The following ERP29 variants were observed in gnomAD, a reference collection of about 807,000 sequenced individuals.
ERP29 encodes the protein endoplasmic reticulum resident protein 29.
Under a neutral mutation model 21.7 loss-of-function variants are expected in ERP29, and 14 were observed. That is an observed-to-expected ratio of 0.64 (90% CI 0.43 to 1.01). ERP29 has a LOEUF of 1.01. ERP29 is among the 50% of genes least tolerant of loss of function. The pLI, the probability that ERP29 is intolerant of heterozygous loss-of-function variation, is 0.00. For missense variants in ERP29, 286 were observed against 327.3 expected (o/e 0.87, Z 0.97); for synonymous variants, 129 against 139.1 (o/e 0.93, Z 0.51).
intron 1 of ERP29, 57 bp downstream of exon 1, chr12:112,013,666 G>T (rs2136772215): frequency 6.7e-7 from 1 of 1,481,668 alleles, no homozygotes; most frequent in Non-Finnish European, 9.0e-7. Flanking sequence ...GGAAGAGCGC[G>T]CGCCCGTGGG....
At chr12:112,022,096 T>A (rs953360242) in intron 2 of ERP29, 54 bp from the exon 3 acceptor site, 14 of 1,592,996 alleles carry the variant, frequency 8.8e-6, no homozygotes, top group Non-Finnish European at 1.2e-5. Context: ...CATAGCAATT[T>A]TCTGCCCTGA....
In ERP29 at chr12:112,019,908, C is replaced by T. The variant is rs569487267; in HGVS notation, c.283+14C>T. ...TGGGGATCTCAGGTATGGACAAGTC[C>T]AGGACGGCTGGGGGGGCAGAGAGGG... is the stretch of plus-strand genomic sequence containing the variant. On this transcript the variant is annotated intron_variant, in intron 2 of 2. Transcript: ENST00000261735. 1.2e-6 allele frequency: 2 copies of T among 1,613,624 alleles called. No homozygotes were observed. Among genetic ancestry groups the T allele is most frequent in the South Asian group, 2.2e-5 (2 of 91,056 alleles).
chr12:112,013,680 A>G, intron 1 of ERP29, 71 bp downstream of exon 1: 5 of 1,442,096 alleles, frequency 3.5e-6, no homozygotes, highest in South Asian at 2.8e-5. Context: ...CCGTGGGGAG[A>G]CGCTGGATTC....
chr12:112,023,343 A>AATG lies in ERP29; in HGVS notation c.*694_*696dup, dbSNP rs2078063153. 1 of 152,226 alleles carries AATG rather than the reference A, an allele frequency of 6.6e-6. No individual in the cohort carries two copies. Among genetic ancestry groups the AATG allele is most frequent in the African/African-American group, 2.4e-5 (1 of 41,458 alleles). The allele number at this position is 152,226 out of a possible 1,614,324, so 9.4% of individuals were successfully genotyped here. A position where few individuals can be genotyped will look rare whatever the true frequency, so the allele number is the denominator to read the frequency against. ...TCTGTGACTTGGATTTACACAGCTA[A>AATG]ATGATATAGTCCGATTTCAAAATTA... On this transcript the variant is annotated 3_prime_UTR_variant, in exon 3 of 3. Coordinates refer to ENST00000261735, the MANE Select transcript of ERP29 (RefSeq NM_006817.4).
At chr12:112,019,989 C>G in intron 2 of ERP29, 95 bp downstream of exon 2, 1 of 1,446,672 alleles carries the variant, frequency 6.9e-7, no homozygotes, top group South Asian at 1.2e-5. Context: ...ATCTTTCCTT[C>G]TGAGCCACTC....
In ERP29 at chr12:112,022,283, A is replaced by C; in HGVS notation, c.417A>C (p.Gly139=). ...CATACACTGGGGCAGTTAAGGTTGGAGCCATCCAGCGCTGGCTGAAGGGGC... is the reference window on the plus strand; with the variant it reads ...CATACACTGGGGCAGTTAAGGTTGGCGCCATCCAGCGCTGGCTGAAGGGGC... The part of the protein sequence containing the change: ...PVPYTGAVKV[G]AIQRWLKGQG... Residue 139 remains glycine, a synonymous_variant, in exon 3 of 3, where the codon GGA becomes GGC. Transcript: ENST00000261735. 1 of 1,612,862 alleles carries C rather than the reference A, an allele frequency of 6.2e-7. No homozygotes were observed. Among genetic ancestry groups the C allele is most frequent in the Non-Finnish European group, 8.5e-7 (1 of 1,179,410 alleles).
rs2078055301 is a variant in ERP29 at position 112,022,474 on chromosome 12, T to G, written c.608T>G (p.Leu203Arg). ...CAGAAGAAGTGGGCCGAGCAATACC[T>G]GAAGATCATGGGGAAGATCTTAGAC... The part of the protein sequence containing the change: ...ETQKKWAEQY[L>R]KIMGKILDQG... The change falls in exon 3 of 3, where the codon CTG becomes CGG. Residue 203 changes from leucine to arginine, a missense_variant. Leu to Arg is a moderately radical substitution (Grantham distance 102). Transcript: ENST00000261735. The G allele has an allele frequency of 6.2e-7, 1 of 1,614,020 alleles. No individual in the cohort carries two copies. The highest frequency in any genetic ancestry group is 8.5e-7 in the Non-Finnish European group (1 of 1,179,942).
chr12:112,021,189 A>G (rs1479788884), intron 2 of ERP29, among the ~76,000 whole-genome samples: 2 of 152,184 alleles, frequency 1.3e-5, no homozygotes, highest in Non-Finnish European at 2.9e-5. Context: ...TCCCTACCAC[A>G]TGCTCCCCTT....
intron 1 of ERP29, 115 bp downstream of exon 1, chr12:112,013,724 T>C: frequency 1.8e-6 from 2 of 1,135,770 alleles, no homozygotes; most frequent in Non-Finnish European, 2.4e-6. Context: ...GTAGCAACGG[T>C]CCCAGAGCTT....
In ERP29 at chr12:112,013,498, C is replaced by T. The variant is rs572261303; in HGVS notation, c.33C>T (p.Leu11=). Residue 11 remains leucine (L), a synonymous_variant, in exon 1 of 3, where the codon CTC becomes CTT. Transcript: ENST00000261735. ...CCGCTGTGCCCCGCGCCGCATTTCT[C>T]TCCCCGCTGCTTCCCCTTCTCCTGG... MAAAVPRAAF[L]SPLLPLLLGF... 50 of 1,612,786 alleles carry T rather than the reference C, an allele frequency of 3.1e-5. 1 individual carries two copies. The South Asian group carries it at 4.9e-4, about 16-fold the overall frequency.
At chr12:112,016,476 A>G (rs2078013189) in intron 1 of ERP29, among the ~76,000 whole-genome samples, 1 of 152,208 alleles carries the variant, frequency 6.6e-6, no homozygotes, top group South Asian at 2.1e-4. Context: ...CTTTTTACTC[A>G]ATGAACGAAT....
At chr12:112,022,129 G>A in intron 2 of ERP29, 21 bp from the exon 3 acceptor site, 1 of 1,611,422 alleles carries the variant, frequency 6.2e-7, no homozygotes, top group Non-Finnish European at 8.5e-7. Context: ...CTTGCTTTTT[G>A]TGTCTGGTTT....
chr12:112,018,754 C>T (rs1045242280), intron 1 of ERP29: 7 of 152,210 alleles, frequency 4.6e-5, no homozygotes, highest in African/African-American at 1.7e-4. Context: ...AAGGTGGAAA[C>T]AACCCAAACA....
rs1468246994 is a variant in ERP29 at position 112,013,438 on chromosome 12, C to G, written c.-28C>G. The stretch of plus-strand genomic sequence containing the variant: ...CGGGGCGTTCTCCACTATCGCTTAC[C>G]TACCTCCCTCTGCAGGAACCCGGCG... On this transcript the variant is annotated 5_prime_UTR_variant, in exon 1 of 3. Transcript: ENST00000261735. 6.3e-7 allele frequency: 1 copy of G among 1,596,706 alleles called. No individual in the cohort carries two copies. The highest frequency in any genetic ancestry group is 1.1e-5 in the South Asian group (1 of 88,856).
Position 112,013,435 on chromosome 12 carries a change from T to TA in ERP29, c.-30dup. The stretch of plus-strand genomic sequence containing the variant: ...ACTCGGGGCGTTCTCCACTATCGCT[T>TA]ACCTACCTCCCTCTGCAGGAACCCG... On this transcript the variant is annotated 5_prime_UTR_variant, in exon 1 of 3. Coordinates refer to ENST00000261735, the MANE Select transcript of ERP29 (RefSeq NM_006817.4). 1 of 1,593,092 alleles carries TA rather than the reference T, an allele frequency of 6.3e-7. No individual in the cohort carries two copies. Among genetic ancestry groups the TA allele is most frequent in the Non-Finnish European group, 8.5e-7 (1 of 1,170,162 alleles).
At chr12:112,013,918 G>A (rs996099670) in intron 1 of ERP29, among the ~76,000 whole-genome samples, 11 of 152,244 alleles carry the variant, frequency 7.2e-5, no homozygotes, top group South Asian at 2.1e-4. Flanking sequence ...GGCGGTGCCT[G>A]GCGAGATCCA....
rs145336748 is a variant in ERP29, at chr12:112,019,860, C to T, written c.249C>T (p.Ser83=). 1.1e-5 allele frequency: 17 copies of T among 1,613,938 alleles called. No homozygotes were observed. The highest frequency in any genetic ancestry group is 1.7e-5 in the Admixed American group (1 of 59,974). Residue 83 remains serine (S), a synonymous_variant, in exon 2 of 3, where the codon AGC becomes AGT. Coordinates refer to ENST00000261735, the MANE Select transcript of ERP29 (RefSeq NM_006817.4). The part of the protein sequence containing the change: ...FKRLAENSAS[S]DDLLVAEVGI... ...GTCTTGCTGAAAACTCGGCTTCCAG[C>T]GATGATCTCTTGGTGGCAGAGGTGG...
Position 112,022,155 on chromosome 12 carries a change from G to C in ERP29, c.289G>C (p.Gly97Arg). ...LVAEVGISDY[G>R]DKLNMELSEK... Reference sequence around the variant, plus strand: ...TGTCTGGTTTCTGCTCACAGATTATGGTGACAAGCTGAACATGGAGCTGAG... The same window carrying C: ...TGTCTGGTTTCTGCTCACAGATTATCGTGACAAGCTGAACATGGAGCTGAG... The change falls in exon 3 of 3, where the codon GGT becomes CGT. Residue 97 changes from glycine (G) to arginine (R), a missense_variant. Gly to Arg is a moderately radical substitution (Grantham distance 125). Transcript: ENST00000261735. 1 of 1,614,044 alleles carries C rather than the reference G, an allele frequency of 6.2e-7. No individual in the cohort carries two copies. Among genetic ancestry groups the C allele is most frequent in the East Asian group, 2.2e-5 (1 of 44,876 alleles).
At position 112,022,423 on chromosome 12, in the gene ERP29, A is replaced by G. The variant is rs1276993419; in HGVS notation, c.557A>G (p.Asp186Gly). The change falls in exon 3 of 3, where the codon GAT becomes GGT. Residue 186 changes from aspartate to glycine, a missense_variant. Coordinates refer to ENST00000261735, the MANE Select transcript of ERP29 (RefSeq NM_006817.4). ...ARQALLKQGQ[D>G]NLSSVKETQK... ...CAGGCCCTCTTGAAGCAGGGGCAAG[A>G]TAACCTCTCAAGTGTGAAGGAGACT... The G allele has an allele frequency of 2.5e-6, 4 of 1,614,214 alleles. No homozygotes were observed. Among genetic ancestry groups the G allele is most frequent in the East Asian group, 2.2e-5 (1 of 44,882 alleles).
Sources: gnomAD v4.1 joint callset for allele counts (sites outside exome capture counted in the v4.1 genomes callset) on GRCh38, gnomAD v4.1.1 for gene constraint, MANE v1.5 for transcripts, NCBI Gene and HGNC (gene_info 2026-07-23, HGNC 2026-07-21) for gene names.